The following SEM1 variants were observed in gnomAD, a reference collection of about 807,000 sequenced individuals.
SEM1 encodes SEM1 26S proteasome subunit, also known as 26S proteasome complex subunit SEM1.
Under a neutral mutation model 12.7 loss-of-function variants are expected in SEM1, and 3 were observed. That is an observed-to-expected ratio of 0.24 (90% CI 0.11 to 0.61). The LOEUF (loss-of-function observed/expected upper bound fraction) is 0.61. SEM1 is among the 20% of genes least tolerant of loss of function. SEM1 has a pLI of 0.88. For synonymous variants in SEM1, 30 were observed against 27.8 expected (o/e 1.08, Z -0.25); for missense variants, 59 against 81.3 (o/e 0.73, Z 1.06).
downstream of SEM1, among the ~76,000 whole-genome samples, chr7:96,672,077 C>T (rs995178615): frequency 1.3e-5 from 2 of 152,192 alleles, no homozygotes; most frequent in African/African-American, 2.4e-5. Context: ...CCGAGTAAGA[C>T]AAACAGAAGC....
chr7:96,498,984 T>C (rs114619708), upstream of SEM1, among the ~76,000 whole-genome samples: 1,376 of 152,248 alleles, frequency 9.0e-3, 19 homozygotes, highest in African/African-American at 0.031. Flanking sequence ...TAGACTAGCT[T>C]TAACTATAAT....
intron 2 of SEM1, among the ~76,000 whole-genome samples, chr7:96,554,767 A>T (rs1317678246): frequency 6.6e-6 from 1 of 151,190 alleles, no homozygotes. Context: ...TTTCAGAAGG[A>T]ATGGTACCAG....
At chr7:96,483,270 T>C (rs74549665) in exon 4 of SEM1, 3,353 of 152,832 alleles carry the variant, frequency 0.022, 50 homozygotes, top group East Asian at 0.043. Context: ...AGTGAAGAGG[T>C]TTAGTAGCTG....
At chr7:96,704,014 C>CATCT in intron 1 of SEM1, among the ~76,000 whole-genome samples, 1 of 149,188 alleles carries the variant, frequency 6.7e-6, no homozygotes, top group East Asian at 2.0e-4. Context: ...CACACACATA[C>CATCT]ATAAAAGAAC....
chr7:96,568,737 T>G (rs553186178), intron 2 of SEM1, among the ~76,000 whole-genome samples: 1 of 151,978 alleles, frequency 6.6e-6, no homozygotes, highest in East Asian at 1.9e-4. Context: ...TTTAAAAATT[T>G]TTTATAATTT....
At chr7:96,499,106 T>C (rs1803413463), upstream of SEM1, among the ~76,000 whole-genome samples, 1 of 152,142 alleles carries the variant, frequency 6.6e-6, no homozygotes, top group Non-Finnish European at 1.5e-5. Context: ...TTCTCAAGAG[T>C]ACCTTAACTT....
downstream of SEM1, among the ~76,000 whole-genome samples, chr7:96,684,479 G>A (rs1225619707): frequency 6.6e-6 from 1 of 151,968 alleles, no homozygotes; most frequent in African/African-American, 2.4e-5. Flanking sequence ...GGGGGCGGGG[G>A]AGGCAGGGGA....
intron 2 of SEM1, among the ~76,000 whole-genome samples, chr7:96,575,997 AATCTTT>A (rs1210714332): frequency 6.6e-6 from 1 of 152,186 alleles, no homozygotes; most frequent in African/African-American, 2.4e-5. Flanking sequence ...TTACCTTAGG[AATCTTT>A]ATGCTATGCT....
chr7:96,598,841 AT>A (rs1308682805), intron 2 of SEM1, among the ~76,000 whole-genome samples: 3 of 152,202 alleles, frequency 2.0e-5, no homozygotes, highest in South Asian at 2.1e-4. Context: ...GATTAAAAAA[AT>A]TTTTTTAAAC....
chr7:96,498,152 G>A (rs1044058494), upstream of SEM1, among the ~76,000 whole-genome samples: 5 of 152,162 alleles, frequency 3.3e-5, no homozygotes, highest in Non-Finnish European at 5.9e-5. Flanking sequence ...GATTAGAAAA[G>A]ACAAATAATT....
exon 2 of SEM1, chr7:96,486,345 T>C: frequency 2.0e-6 from 3 of 1,537,014 alleles, no homozygotes; most frequent in Non-Finnish European, 2.6e-6. Flanking sequence ...CTGGGTCTCC[T>C]CCCCCTTTTT....
intron 1 of SEM1, chr7:96,486,559 G>A (rs905398226): frequency 3.0e-6 from 2 of 667,062 alleles, no homozygotes; most frequent in Non-Finnish European, 5.1e-6. Context: ...GAAACCAAAA[G>A]CAGTGTAAGA....
chr7:96,547,223 A>G (rs1031763302), intron 2 of SEM1, among the ~76,000 whole-genome samples: 2 of 152,138 alleles, frequency 1.3e-5, no homozygotes, highest in Admixed American at 1.3e-4. Context: ...TCCAGTGTTG[A>G]TGTTTCCTTC....
rs574487871 is a variant in SEM1, at chr7:96,561,624, G to A, written c.171-54926C>T. On this transcript the variant is annotated intron_variant and NMD_transcript_variant, in intron 2 of 3. Coordinates refer to the SEM1 transcript ENST00000466986. The stretch of plus-strand genomic sequence containing the variant: ...AGCTGACCTAAATAATATCTTCATT[G>A]CCTCAGTACTTGAACATCGGTTCCA... Among the ~76,000 whole-genome samples the A allele has an allele frequency of 5.9e-5, 9 of 152,290 alleles. No individual in the cohort carries two copies. In the East Asian group the frequency reaches 1.7e-3, roughly 29 times the overall value.
chr7:96,570,001 C>G (rs1333364778), intron 2 of SEM1, among the ~76,000 whole-genome samples: 1 of 151,878 alleles, frequency 6.6e-6, no homozygotes, highest in East Asian at 1.9e-4. Flanking sequence ...AGTGCAGGTA[C>G]CTTTTTGATA....
At chr7:96,648,050 C>T (rs948309513) in intron 2 of SEM1, among the ~76,000 whole-genome samples, 2 of 152,112 alleles carry the variant, frequency 1.3e-5, no homozygotes, top group Non-Finnish European at 2.9e-5. Context: ...GAATAATATT[C>T]ACACAACACT....
intron 2 of SEM1, among the ~76,000 whole-genome samples, chr7:96,579,167 T>C: frequency 6.6e-6 from 1 of 152,312 alleles, no homozygotes; most frequent in East Asian, 1.9e-4. Flanking sequence ...TTTCTCTCTT[T>C]AAAAGAAAAT....
intron 2 of SEM1, among the ~76,000 whole-genome samples, chr7:96,576,321 G>T: frequency 6.6e-6 from 1 of 151,988 alleles, no homozygotes; most frequent in East Asian, 1.9e-4. Flanking sequence ...TCTTTATTGT[G>T]TATTTTCATT....
chr7:96,569,472 G>C (rs925710000), intron 2 of SEM1, among the ~76,000 whole-genome samples: 1 of 151,930 alleles, frequency 6.6e-6, no homozygotes, highest in Non-Finnish European at 1.5e-5. Flanking sequence ...TATAATCCCT[G>C]TATGGTGTGT....
Sources: allele counts gnomAD v4.1 joint callset (sites outside exome capture counted in the v4.1 genomes callset), GRCh38; gene constraint gnomAD v4.1.1; transcripts MANE v1.5; gene names NCBI Gene and HGNC (gene_info 2026-07-23, HGNC 2026-07-21).